Variants in CFAP92 observed in about 807,000 individuals in gnomAD.
CFAP92 encodes cilia and flagella associated protein 92 (putative), also known as uncharacterized protein CFAP92.
Under a neutral mutation model 106.3 loss-of-function variants are expected in CFAP92, and 86 were observed. That is an observed-to-expected ratio of 0.81 (90% CI 0.68 to 0.97). The LOEUF (loss-of-function observed/expected upper bound fraction) is 0.97, where lower values mean the gene tolerates loss of function less well. CFAP92 is among the 50% of genes least tolerant of loss of function. CFAP92 has a pLI of 0.00. For missense variants in CFAP92, 1,204 were observed against 1,283.8 expected (o/e 0.94, Z 0.95); for synonymous variants, 477 against 506.4 (o/e 0.94, Z 0.78).
At chr3:128,947,048 C>T (rs1940284019) in intron 9 of CFAP92, among the ~76,000 whole-genome samples, 1 of 152,072 alleles carries the variant, frequency 6.6e-6, no homozygotes, top group Non-Finnish European at 1.5e-5. Flanking sequence ...TTGGGAATGG[C>T]AAACCTAGTA....
At chr3:129,012,622 G>T in the CFAP92 span, among the ~76,000 whole-genome samples, 1 of 152,208 alleles carries the variant, frequency 6.6e-6, no homozygotes, top group Non-Finnish European at 1.5e-5. Context: ...CCAGGACCAG[G>T]CTACTAGGAT....
At chr3:129,025,960 G>A in the CFAP92 span, among the ~76,000 whole-genome samples, 50 of 152,338 alleles carry the variant, frequency 3.3e-4, no homozygotes, top group African/African-American at 1.2e-3. Flanking sequence ...CTTGTGCCTG[G>A]CATGTGGGCC....
rs1002651953 is a variant in CFAP92, at chr3:128,915,177, G to A, written c.3222C>T (p.Tyr1074=). 1 of 1,536,056 alleles carries A rather than the reference G, an allele frequency of 6.5e-7. No homozygotes were observed. The highest frequency in any genetic ancestry group is 8.7e-7 in the Non-Finnish European group (1 of 1,146,940). ...GCTCGAGGAAAGGTGGTGGTTTCTT[G>A]TACAGATCAAAGTCCACGTGGTGCC... ...WDRHHVDFDL[Y]KKPPPFLELL... is the part of the protein sequence containing the mutation. The change falls in exon 15 of 16, where the codon TAC becomes TAT. Residue 1074 remains tyrosine (Y), a synonymous_variant. Coordinates refer to ENST00000645291, the MANE Select transcript of CFAP92 (RefSeq NM_001394090.1).
At chr3:128,958,570 T>C (rs1941627154) in intron 9 of CFAP92, among the ~76,000 whole-genome samples, 1 of 152,198 alleles carries the variant, frequency 6.6e-6, no homozygotes, top group Non-Finnish European at 1.5e-5. Flanking sequence ...GACATATGTA[T>C]ATGGACATAC....
At chr3:128,919,067 C>T (rs1435686347) in intron 12 of CFAP92, among the ~76,000 whole-genome samples, 1 of 151,742 alleles carries the variant, frequency 6.6e-6, no homozygotes, top group Non-Finnish European at 1.5e-5. Context: ...CCTGCCTCAG[C>T]CTCCCAAGTA....
At chr3:128,978,686 C>G (rs1269167928) in intron 4 of CFAP92, among the ~76,000 whole-genome samples, 1 of 152,086 alleles carries the variant, frequency 6.6e-6, no homozygotes, top group Admixed American at 6.6e-5. Context: ...ACAAACCTGA[C>G]AAAAACAAGA....
At chr3:128,963,249 G>A (rs200634993) in intron 9 of CFAP92, among the ~76,000 whole-genome samples, 43 of 152,062 alleles carry the variant, frequency 2.8e-4, no homozygotes, top group African/African-American at 8.7e-4. Context: ...TGCTTAGTGC[G>A]GTCAGAATTC....
intron 1 of CFAP92, chr3:129,001,587 G>A: frequency 3.0e-6 from 4 of 1,351,164 alleles, no homozygotes; most frequent in Non-Finnish European, 3.8e-6. Context: ...GGGGCGAAGG[G>A]ACCGGAGGAG....
rs761454786 is a variant in CFAP92, at chr3:128,935,260, C to T, written c.2318G>A (p.Arg773His). The T allele has an allele frequency of 1.5e-4, 233 of 1,535,824 alleles. No homozygotes were observed. The highest frequency in any genetic ancestry group is 1.0e-3 in the African/African-American group (76 of 73,154). Residue 773 changes from arginine (R) to histidine (H), a missense_variant, in exon 11 of 16, where the codon CGC becomes CAC. Transcript: ENST00000645291. ...CTCCAGGTCCCCATAGAGCCGGCTG[C>T]GGAACAGCAGCTGTGAGTTGTACAG... Reference protein sequence around the residue: ...KVLYNSQLLFRSRLYGDLEAI... With the variant: ...KVLYNSQLLFHSRLYGDLEAI...
chr3:129,007,590 TCTC>T (rs1484772201), upstream of CFAP92, among the ~76,000 whole-genome samples: 1 of 152,260 alleles, frequency 6.6e-6, no homozygotes, highest in Non-Finnish European at 1.5e-5. Flanking sequence ...ACGCTGATCT[TCTC>T]ATCTTCCCTC....
intron 9 of CFAP92, among the ~76,000 whole-genome samples, chr3:128,952,291 A>T (rs1940890126): frequency 9.5e-6 from 1 of 105,156 alleles, no homozygotes. Flanking sequence ...CACCACATCT[A>T]GCTAATTAAA....
chr3:128,977,845 G>A (rs1208413352), intron 5 of CFAP92, among the ~76,000 whole-genome samples, 200 bp downstream of exon 5: 3 of 152,172 alleles, frequency 2.0e-5, no homozygotes, highest in Non-Finnish European at 4.4e-5. Context: ...GGGGACAAGA[G>A]CAGAACTCAG....
At chr3:128,926,210 C>CT (rs1464897326) in intron 12 of CFAP92, among the ~76,000 whole-genome samples, 9 of 151,410 alleles carry the variant, frequency 5.9e-5, no homozygotes, top group Admixed American at 5.9e-4. Context: ...GAGAGACAGA[C>CT]ATTAAAGCCT....
intron 7 of CFAP92, 148 bp downstream of exon 7, chr3:128,975,631 A>C: frequency 1.5e-6 from 1 of 663,250 alleles, no homozygotes; most frequent in Non-Finnish European, 2.4e-6. Context: ...GGGATGCATA[A>C]GTTGAAAATG....
intron 10 of CFAP92, among the ~76,000 whole-genome samples, chr3:128,940,935 A>G (rs1939560493): frequency 6.6e-6 from 1 of 152,218 alleles, no homozygotes; most frequent in Admixed American, 6.5e-5. Context: ...TTTAAAATCA[A>G]TGTCCATACT....
At chr3:128,965,912 A>G (rs1246843313) in intron 8 of CFAP92, among the ~76,000 whole-genome samples, 1 of 152,192 alleles carries the variant, frequency 6.6e-6, no homozygotes, top group Non-Finnish European at 1.5e-5. Flanking sequence ...ATTCTCTAGA[A>G]TTGAATTTGT....
upstream of CFAP92, chr3:128,994,107 C>T (rs554979921): frequency 4.1e-6 from 4 of 985,618 alleles, no homozygotes; most frequent in Admixed American, 6.1e-5. Context: ...CAGGGAGGGC[C>T]GCAGGCCCAG....
intron 8 of CFAP92, chr3:128,968,850 G>T: frequency 6.3e-6 from 1 of 157,960 alleles, no homozygotes. Context: ...GCTCACGCCT[G>T]TAATCCCAGC....
chr3:129,019,047 G>A, the CFAP92 span, among the ~76,000 whole-genome samples: 1 of 152,228 alleles, frequency 6.6e-6, no homozygotes, highest in African/African-American at 2.4e-5. Context: ...GCAGCCTGCT[G>A]TGAGAACTGT....
Sources: allele counts gnomAD v4.1 joint callset (sites outside exome capture counted in the v4.1 genomes callset), GRCh38; gene constraint gnomAD v4.1.1; transcripts MANE v1.5; gene names NCBI Gene and HGNC (gene_info 2026-07-23, HGNC 2026-07-21).